The following KALRN variants were observed in gnomAD, a reference collection of about 807,000 sequenced individuals.
The protein encoded by KALRN is kalirin RhoGEF kinase.
KALRN carries 70 observed loss-of-function variants against 353.7 expected under a neutral mutation model. That is an observed-to-expected ratio of 0.20 (90% CI 0.16 to 0.24). The LOEUF is 0.24. KALRN is among the 10% of genes least tolerant of loss of function. KALRN has a pLI of 1.00. For missense variants in KALRN, 2,791 were observed against 3,756.7 expected, an observed-to-expected ratio of 0.74 and a Z score of 6.72; for synonymous variants, 1,391 against 1,434.8, an observed-to-expected ratio of 0.97 and a Z score of 0.69.
chr3:124,695,513 C>A (rs755504604), intron 53 of KALRN, among the ~76,000 whole-genome samples: 28 of 152,118 alleles, frequency 1.8e-4, no homozygotes, highest in Non-Finnish European at 4.1e-4. Context: ...TCATGAAAAG[C>A]GCCAGGGGAT....
At chr3:124,245,661 T>G (rs904629751) in intron 3 of KALRN, among the ~76,000 whole-genome samples, 13 of 71,772 alleles carry the variant, frequency 1.8e-4, no homozygotes, top group South Asian at 1.0e-3. Context: ...TTATTTTCTG[T>G]TTTTTTTTGT....
At chr3:124,541,852 A>G (rs1057379930) in intron 33 of KALRN, among the ~76,000 whole-genome samples, 2 of 152,084 alleles carry the variant, frequency 1.3e-5, no homozygotes, top group Admixed American at 6.5e-5. Context: ...AGATGGTGCC[A>G]CTGCACTCTA....
In KALRN at chr3:124,437,546, T is replaced by C. The variant is rs533420674; in HGVS notation, c.3049-1342T>C. Among the ~76,000 whole-genome samples, 14 of 151,686 alleles carry C rather than the reference T, an allele frequency of 9.2e-5. No individual in the cohort carries two copies. In the South Asian group the frequency reaches 2.7e-3, roughly 29 times the overall value. Reference sequence around the variant, plus strand: ...CTCTACTAAAAATACAAAAATTAGCTGGATGTGGTGGTGAGCGACTGTAAT... The same window carrying C: ...CTCTACTAAAAATACAAAAATTAGCCGGATGTGGTGGTGAGCGACTGTAAT... On this transcript the variant is annotated intron_variant, in intron 17 of 59. Transcript: ENST00000682506.
chr3:124,712,763 G>A (rs1170150730), intron 57 of KALRN, among the ~76,000 whole-genome samples, 172 bp from the exon 58 acceptor site: 1 of 150,484 alleles, frequency 6.6e-6, no homozygotes, highest in Non-Finnish European at 1.5e-5. Context: ...ACCCTAAAAT[G>A]CTAAAGAAGG....
At chr3:124,575,724 A>C (rs1386996297) in intron 34 of KALRN, among the ~76,000 whole-genome samples, 2 of 152,100 alleles carry the variant, frequency 1.3e-5, no homozygotes, top group African/African-American at 4.8e-5. Flanking sequence ...CAAAGCCAGC[A>C]ATGTTGCATC....
At position 124,667,268 on chromosome 3, in the gene KALRN, G is replaced by A; in HGVS notation, c.6703+85G>A. On this transcript the variant is annotated intron_variant, in intron 47 of 59. Transcript: ENST00000682506. ...TTCCTTGGGTCTAGGTTCATGTTGAGTTATGAACCCAGATCACATTTTATA... is the reference window on the plus strand; with the variant it reads ...TTCCTTGGGTCTAGGTTCATGTTGAATTATGAACCCAGATCACATTTTATA... 5.0e-6 allele frequency: 6 copies of A among 1,206,884 alleles called. 1 individual carries two copies. In the South Asian group the frequency reaches 8.8e-5, roughly 18 times the overall value. The allele number at this position is 1,206,884 out of a possible 1,614,324, so 74.8% of individuals were successfully genotyped here.
At chr3:124,187,886 A>G (rs549004514) in intron 1 of KALRN, among the ~76,000 whole-genome samples, 1 of 152,352 alleles carries the variant, frequency 6.6e-6, no homozygotes, top group Admixed American at 6.5e-5. Context: ...AAGGAATATT[A>G]GGGAAAAGTC....
chr3:124,584,692 T>TGCGGGGAGAGCACA lies in KALRN; in HGVS notation c.5182+21612_5182+21625dup, dbSNP rs879541327. On this transcript the variant is annotated intron_variant, in intron 34 of 59. Coordinates refer to ENST00000682506, the MANE Select transcript of KALRN (RefSeq NM_001388419.1). ...CAGTAAGTCAGAGCTGCGGCCGCGG[T>TGCGGGGAGAGCACA]GCGGGGAGAGCACAGCGGGGAGGGC... The TGCGGGGAGAGCACA allele has an allele frequency of 4.0e-4, 575 of 1,446,392 alleles. 1 individual carries two copies. Among genetic ancestry groups the TGCGGGGAGAGCACA allele is most frequent in the South Asian group, 1.2e-3 (78 of 67,742 alleles). The allele number at this position is 1,446,392 out of a possible 1,614,324, so 89.6% of individuals were successfully genotyped here.
intron 21 of KALRN, among the ~76,000 whole-genome samples, chr3:124,448,325 A>T (rs1056630054): frequency 6.6e-6 from 1 of 151,540 alleles, no homozygotes; most frequent in Admixed American, 6.6e-5. Context: ...CTTTATTGCT[A>T]TTCATCTTTA....
intron 1 of KALRN, among the ~76,000 whole-genome samples, chr3:124,071,688 T>A (rs1194047964): frequency 6.6e-6 from 1 of 152,194 alleles, no homozygotes; most frequent in Non-Finnish European, 1.5e-5. Flanking sequence ...CTAATCTCAG[T>A]CATGATGAGG....
chr3:124,199,670 G>A (rs1345675191), intron 1 of KALRN, among the ~76,000 whole-genome samples: 2 of 152,152 alleles, frequency 1.3e-5, no homozygotes, highest in East Asian at 1.9e-4. Flanking sequence ...AACAGTGGCC[G>A]GGCAATTACC....
chr3:124,441,015 G>C (rs905257638), intron 18 of KALRN, among the ~76,000 whole-genome samples: 1 of 152,074 alleles, frequency 6.6e-6, no homozygotes, highest in East Asian at 1.9e-4. Context: ...AGTCGTAAAG[G>C]GGGTAGGTAA....
At position 124,455,330 on chromosome 3, in the gene KALRN, C is replaced by T; in HGVS notation, c.3706C>T (p.Leu1236=). ...SLRMGKYRYS[L]EKALGVNTED... ...GAGGATGGGAAAGTACCGATACTCACTGGAGAAAGCCCTAGGAGTCAACAC... is the reference window on the plus strand; with the variant it reads ...GAGGATGGGAAAGTACCGATACTCATTGGAGAAAGCCCTAGGAGTCAACAC... The change falls in exon 22 of 60, where the codon CTG becomes TTG. Residue 1236 remains leucine, a synonymous_variant. Coordinates refer to ENST00000682506, the MANE Select transcript of KALRN (RefSeq NM_001388419.1). 3.7e-6 allele frequency: 6 copies of T among 1,614,142 alleles called. No homozygotes were observed. The highest frequency in any genetic ancestry group is 5.1e-6 in the Non-Finnish European group (6 of 1,179,992).
chr3:124,103,646 C>A (rs1001453658), intron 1 of KALRN, among the ~76,000 whole-genome samples: 7 of 152,114 alleles, frequency 4.6e-5, no homozygotes, highest in African/African-American at 1.7e-4. Context: ...ACAATTCAAA[C>A]TCCTGAAAGA....
intron 33 of KALRN, among the ~76,000 whole-genome samples, chr3:124,548,189 G>A (rs2069961731): frequency 6.6e-6 from 1 of 152,140 alleles, no homozygotes; most frequent in Admixed American, 6.5e-5. Flanking sequence ...TACAGGGGAA[G>A]GGGTACAGGA....
intron 59 of KALRN, among the ~76,000 whole-genome samples, chr3:124,718,513 C>T (rs1335300370): frequency 6.6e-6 from 1 of 152,174 alleles, no homozygotes; most frequent in Non-Finnish European, 1.5e-5. Flanking sequence ...GCCACAATGA[C>T]ATCTGGTGTG....
At chr3:124,680,470 C>T (rs2087666411) in intron 51 of KALRN, among the ~76,000 whole-genome samples, 1 of 152,236 alleles carries the variant, frequency 6.6e-6, no homozygotes, top group Admixed American at 6.5e-5. Context: ...CAGATCTGTG[C>T]ATCCATCTCC....
At chr3:124,615,992 A>G (rs560270615) in intron 34 of KALRN, among the ~76,000 whole-genome samples, 1 of 152,302 alleles carries the variant, frequency 6.6e-6, no homozygotes, top group Non-Finnish European at 1.5e-5. Flanking sequence ...AGAGCCTCCT[A>G]TTACATTAAG....
chr3:124,172,106 A>G (rs2071925240), intron 1 of KALRN, among the ~76,000 whole-genome samples: 2 of 152,198 alleles, frequency 1.3e-5, no homozygotes, highest in Admixed American at 1.3e-4. Flanking sequence ...AAATAAGTGT[A>G]TTCATTTTGC....
Sources: allele counts gnomAD v4.1 joint callset (sites outside exome capture counted in the v4.1 genomes callset), GRCh38; gene constraint gnomAD v4.1.1; transcripts MANE v1.5; gene names NCBI Gene and HGNC (gene_info 2026-07-23, HGNC 2026-07-21).